BIRC2: variants seen among roughly 807,000 people sequenced by gnomAD.
BIRC2 encodes baculoviral IAP repeat containing 2, also known as baculoviral IAP repeat-containing protein 2.
Under a neutral mutation model 60.9 loss-of-function variants are expected in BIRC2, and 18 were observed. The observed-to-expected ratio is 0.30, with a 90% CI of 0.20 to 0.44. BIRC2 has a LOEUF of 0.44. Among genes scored for constraint, BIRC2 ranks in the 20% least tolerant of loss-of-function variants. BIRC2 has a pLI of 1.00. For missense variants in BIRC2, 701 were observed against 728.5 expected (o/e 0.96, Z 0.43); for synonymous variants, 282 against 247.7 (o/e 1.14, Z -1.30).
Position 102,377,501 on chromosome 11 carries a change from T to G in BIRC2, c.1372T>G (p.Leu458Val). ...TTTTTCTTTTTTTAATGAAGATGAT[T>G]TGTCATTAATTCGGAAGAACAGAAT... Reference protein sequence around the residue: ...KQAEEMASDDLSLIRKNRMAL... With the variant: ...KQAEEMASDDVSLIRKNRMAL... Residue 458 changes from leucine (L) to valine (V), a missense_variant, in exon 7 of 9, where the codon TTG (leucine) becomes GTG (valine). Physicochemically the swap from Leu to Val is conservative, Grantham distance 32. Around this residue, in one of 4 missense-constraint regions of BIRC2, gnomAD observed 235 missense variants for 208.9 expected, o/e 1.12. Transcript: ENST00000227758. The G allele has an allele frequency of 6.3e-7, 1 of 1,587,970 alleles. No individual in the cohort carries two copies. The highest frequency in any genetic ancestry group is 1.2e-5 in the South Asian group (1 of 85,520).
chr11:102,357,368 TTTC>T (rs994944800), intron 3 of BIRC2, among the ~76,000 whole-genome samples: 8 of 149,458 alleles, frequency 5.4e-5, no homozygotes, highest in South Asian at 2.1e-4. Context: ...CTCCTCTTCC[TTTC>T]TTCTTCTTTC....
Position 102,362,902 on chromosome 11 carries a change from G to A in BIRC2, c.1002G>A (p.Glu334=), listed in dbSNP as rs1036512722. Residue 334 remains glutamate, a synonymous_variant, in exon 4 of 9, where the codon GAG becomes GAA. Coordinates refer to ENST00000227758, the MANE Select transcript of BIRC2 (RefSeq NM_001166.5). ...VEHAKWFPRC[E]FLIRMKGQEF... ...TTTTCCTCATATGTTTTAGGTGTGA[G>A]TTCTTGATACGAATGAAAGGCCAAG... The A allele has an allele frequency of 1.9e-6, 3 of 1,611,904 alleles. No homozygotes were observed. Among genetic ancestry groups the A allele is most frequent in the South Asian group, 2.2e-5 (2 of 90,974 alleles).
chr11:102,377,764 G>A lies in BIRC2; in HGVS notation c.1621+14G>A. The A allele has an allele frequency of 6.3e-7, 1 of 1,592,908 alleles. No individual in the cohort carries two copies. Among genetic ancestry groups the A allele is most frequent in the Non-Finnish European group, 8.5e-7 (1 of 1,175,370 alleles). ...AGAACTTATTTGGTGAGTTTGTTGG[G>A]AAAATTATTTTAGAAATTCTTAGGA... On this transcript the variant is annotated intron_variant, in intron 7 of 8. Coordinates refer to ENST00000227758, the MANE Select transcript of BIRC2 (RefSeq NM_001166.5).
At chr11:102,354,621 G>A (rs1284712523) in intron 3 of BIRC2, among the ~76,000 whole-genome samples, 2 of 152,140 alleles carry the variant, frequency 1.3e-5, no homozygotes, top group Non-Finnish European at 2.9e-5. Flanking sequence ...CACAGAAGTG[G>A]GATTGCTAGA....
intron 3 of BIRC2, among the ~76,000 whole-genome samples, chr11:102,354,109 C>G (rs1489184039): frequency 1.3e-5 from 2 of 152,190 alleles, no homozygotes; most frequent in African/African-American, 4.8e-5. Context: ...GCAGTTCAAA[C>G]CTGTGTTGTT....
In BIRC2 at chr11:102,350,090, A is replaced by G. The variant is rs1269709079; in HGVS notation, c.236A>G (p.Asp79Gly). Reference sequence around the variant, plus strand: ...GGTTTTTATTATACTGGTGTGAATGACAAGGTCAAATGCTTCTGTTGTGGC... The same window carrying G: ...GGTTTTTATTATACTGGTGTGAATGGCAAGGTCAAATGCTTCTGTTGTGGC... ...RAGFYYTGVN[D>G]KVKCFCCGLM... The change falls in exon 2 of 9, where the codon GAC becomes GGC. Residue 79 changes from aspartate (D) to glycine (G), a missense_variant. Transcript: ENST00000227758. The G allele has an allele frequency of 6.2e-7, 1 of 1,614,112 alleles. No individual in the cohort carries two copies. Among genetic ancestry groups the G allele is most frequent in the African/African-American group, 1.3e-5 (1 of 74,934 alleles).
At chr11:102,374,834 G>C (rs1208359261) in intron 6 of BIRC2, among the ~76,000 whole-genome samples, 1 of 152,250 alleles carries the variant, frequency 6.6e-6, no homozygotes, top group Non-Finnish European at 1.5e-5. Context: ...GTGGGCGTAG[G>C]ACCCTCCGAG....
chr11:102,373,225 G>T (rs1446157388), intron 6 of BIRC2, among the ~76,000 whole-genome samples: 2 of 151,998 alleles, frequency 1.3e-5, no homozygotes, highest in African/African-American at 2.4e-5. Context: ...GTTAGCTGGT[G>T]ATTTTGCTCG....
chr11:102,367,212 T>G (rs1429764843), intron 5 of BIRC2, among the ~76,000 whole-genome samples: 1 of 152,220 alleles, frequency 6.6e-6, no homozygotes, highest in East Asian at 1.9e-4. Flanking sequence ...TATACCAGTT[T>G]AGTTCGTTTG....
chr11:102,363,631 T>C (rs745557646), intron 4 of BIRC2, 37 bp from the exon 5 acceptor site: 1 of 1,543,342 alleles, frequency 6.5e-7, no homozygotes, highest in Non-Finnish European at 8.9e-7. Context: ...GTTGGGGATA[T>C]CTGCTTTTAC....
At chr11:102,352,093 T>C (rs1951369565) in intron 3 of BIRC2, among the ~76,000 whole-genome samples, 1 of 150,986 alleles carries the variant, frequency 6.6e-6, no homozygotes, top group Non-Finnish European at 1.5e-5. Context: ...CAACCACCAT[T>C]GTCTTTCTCT....
intron 6 of BIRC2, among the ~76,000 whole-genome samples, chr11:102,374,386 A>T (rs1438193542): frequency 1.9e-4 from 28 of 148,430 alleles, no homozygotes; most frequent in Non-Finnish European, 2.1e-4. Context: ...TCCTTCTAAC[A>T]GACAGGACCC....
chr11:102,362,805 A>G, intron 3 of BIRC2, 91 bp from the exon 4 acceptor site: 1 of 954,048 alleles, frequency 1.0e-6, no homozygotes, highest in Non-Finnish European at 1.6e-6. Flanking sequence ...TATGGAGTAC[A>G]ATGAAAGATT....
intron 3 of BIRC2, among the ~76,000 whole-genome samples, chr11:102,357,625 T>TTA (rs1431203992): frequency 6.6e-6 from 1 of 152,200 alleles, no homozygotes; most frequent in African/African-American, 2.4e-5. Context: ...CGTTTCTGTG[T>TTA]TATCAATGGT....
At position 102,351,005 on chromosome 11, in the gene BIRC2, C is replaced by A. The variant is rs1365667490; in HGVS notation, c.995+62C>A. On this transcript the variant is annotated intron_variant, in intron 3 of 8. Coordinates refer to ENST00000227758, the MANE Select transcript of BIRC2 (RefSeq NM_001166.5). ...CTGTGCTTAAAAGAAGTAGGCATGC[C>A]TACATGATTTTGTTTACCTTTAAAT... is the stretch of plus-strand genomic sequence containing the variant. The A allele has an allele frequency of 6.1e-6, 9 of 1,487,162 alleles. No individual in the cohort carries two copies. The East Asian group carries it at 2.0e-4, about 34-fold the overall frequency. The allele number at this position is 1,487,162 out of a possible 1,614,324, so 92.1% of individuals were successfully genotyped here. A position where few individuals can be genotyped will look rare whatever the true frequency, so the allele number is the denominator to read the frequency against.
At chr11:102,367,298 C>T (rs1951564239) in intron 5 of BIRC2, among the ~76,000 whole-genome samples, 1 of 151,158 alleles carries the variant, frequency 6.6e-6, no homozygotes, top group South Asian at 2.1e-4. Flanking sequence ...AGAGCTATTC[C>T]TGTTATTTTC....
chr11:102,364,666 A>G (rs141142562), intron 5 of BIRC2, among the ~76,000 whole-genome samples: 2 of 152,350 alleles, frequency 1.3e-5, no homozygotes, highest in Admixed American at 6.5e-5. Flanking sequence ...CAGCATTTCA[A>G]GAAAGATTGG....
intron 5 of BIRC2, among the ~76,000 whole-genome samples, chr11:102,364,825 A>G (rs1455319003): frequency 6.6e-6 from 1 of 152,238 alleles, no homozygotes; most frequent in African/African-American, 2.4e-5. Flanking sequence ...GTACCTGGGT[A>G]CATGACAACT....
At chr11:102,354,787 T>A (rs546327733) in intron 3 of BIRC2, among the ~76,000 whole-genome samples, 1 of 152,306 alleles carries the variant, frequency 6.6e-6, no homozygotes, top group East Asian at 1.9e-4. Context: ...AAGGCATCAT[T>A]ACAGGTGGGA....
Sources: gnomAD v4.1 joint callset for allele counts (sites outside exome capture counted in the v4.1 genomes callset) on GRCh38, gnomAD v4.1.1 for gene constraint, gnomAD v4.1.1 regional missense constraint, MANE v1.5 for transcripts, NCBI Gene and HGNC (gene_info 2026-07-23, HGNC 2026-07-21) for gene names.